Variants in MYL4 observed in about 807,000 individuals in gnomAD.
MYL4 encodes the protein myosin light chain 4.
In MYL4, 16 loss-of-function variants were observed where a neutral mutation model predicts 21.6. The ratio of observed to expected loss-of-function variants is 0.74; its 90% CI spans 0.50 to 1.12. MYL4 has a LOEUF of 1.12. MYL4 is among the 50% of genes most tolerant of loss of function. The pLI is 0.00. For synonymous variants in MYL4, 82 were observed against 95.7 expected, an observed-to-expected ratio of 0.86 and a Z score of 0.83; for missense variants, 249 against 252.9, an observed-to-expected ratio of 0.98 and a Z score of 0.11.
chr17:47,216,909 G>T (rs1226676011), intron 2 of MYL4, among the ~76,000 whole-genome samples: 2 of 152,090 alleles, frequency 1.3e-5, no homozygotes, highest in Non-Finnish European at 2.9e-5. Context: ...GGTCAGGCTG[G>T]TCTCAAACTC....
chr17:47,223,455 A>G (rs757986406), intron 6 of MYL4, 54 bp from the exon 7 acceptor site: 6 of 193,312 alleles, frequency 3.1e-5, no homozygotes, highest in Non-Finnish European at 6.3e-5. Flanking sequence ...GGGTGTGGTA[A>G]GGGGCTGGGT....
intron 3 of MYL4, among the ~76,000 whole-genome samples, chr17:47,220,547 C>G (rs56287938): frequency 0.081 from 12,376 of 152,274 alleles, 676 homozygotes; most frequent in South Asian, 0.19. Flanking sequence ...ATTCTTAGCT[C>G]TACGTGCTGC....
upstream of MYL4, among the ~76,000 whole-genome samples, chr17:47,208,329 A>G (rs1191115889): frequency 6.6e-6 from 1 of 152,142 alleles, no homozygotes; most frequent in Non-Finnish European, 1.5e-5. Flanking sequence ...AGCTACTCGG[A>G]AGGCTGAGGT....
At chr17:47,222,575 C>T in intron 5 of MYL4, 118 bp downstream of exon 5, 2 of 819,676 alleles carry the variant, frequency 2.4e-6, no homozygotes, top group Non-Finnish European at 4.0e-6. Flanking sequence ...TGTAGACCCC[C>T]CATTGGATGT....
At position 47,213,797 on chromosome 17, in the gene MYL4, A is replaced by C; in HGVS notation, c.136-2A>C. On this transcript the variant is annotated splice_acceptor_variant, in intron 1 of 6. Transcript: ENST00000393450. LOFTEE classifies it high-confidence loss of function. The stretch of plus-strand genomic sequence containing the variant: ...CCCTCACTACTATTTCCCTCCCTAC[A>C]GATAGACTTCACTGCCGACCAGATT... The C allele has an allele frequency of 6.2e-7, 1 of 1,614,078 alleles. No homozygotes were observed. The highest frequency in any genetic ancestry group is 8.5e-7 in the Non-Finnish European group (1 of 1,179,974).
At chr17:47,193,649 C>G in the MYL4 span, among the ~76,000 whole-genome samples, 1 of 152,160 alleles carries the variant, frequency 6.6e-6, no homozygotes, top group African/African-American at 2.4e-5. Flanking sequence ...AGGACCTGTT[C>G]TAGGCCTTCT....
At chr17:47,207,825 G>A (rs2064738879), upstream of MYL4, among the ~76,000 whole-genome samples, 1 of 152,080 alleles carries the variant, frequency 6.6e-6, no homozygotes, top group Non-Finnish European at 1.5e-5. Flanking sequence ...TACAGGAAGT[G>A]AAAAAAGTAA....
chr17:47,207,291 A>C (rs1003189831), upstream of MYL4, among the ~76,000 whole-genome samples: 1 of 152,200 alleles, frequency 6.6e-6, no homozygotes, highest in African/African-American at 2.4e-5. Flanking sequence ...AGTGAAGAGC[A>C]GTGTGCTACA....
intron 2 of MYL4, among the ~76,000 whole-genome samples, chr17:47,215,746 T>A (rs1003733991): frequency 2.0e-5 from 3 of 152,186 alleles, no homozygotes; most frequent in Non-Finnish European, 4.4e-5. Flanking sequence ...CTCCTAAGAT[T>A]TATATTCTCT....
the MYL4 span, among the ~76,000 whole-genome samples, chr17:47,194,764 AT>A: frequency 3.0e-4 from 44 of 146,720 alleles, no homozygotes; most frequent in Admixed American, 2.7e-4. Context: ...ATTACATAGA[AT>A]TTTTTTTTTT....
At chr17:47,211,802 C>T (rs1355415890) in intron 1 of MYL4, among the ~76,000 whole-genome samples, 6 of 151,184 alleles carry the variant, frequency 4.0e-5, no homozygotes, top group African/African-American at 1.5e-4. Context: ...AGAATTAGGA[C>T]TAGGAATGAC....
At chr17:47,198,827 A>G (rs1254406852), upstream of MYL4, among the ~76,000 whole-genome samples, 1 of 152,154 alleles carries the variant, frequency 6.6e-6, no homozygotes, top group Non-Finnish European at 1.5e-5. Flanking sequence ...TACAAAAAAA[A>G]TAAAAAAAAC....
intron 2 of MYL4, among the ~76,000 whole-genome samples, chr17:47,219,596 CCTCCCGAG>C (rs2064839121): frequency 1.3e-5 from 2 of 152,046 alleles, no homozygotes; most frequent in Non-Finnish European, 2.9e-5. Context: ...GCAACCTCTG[CCTCCCGAG>C]CTCAAGCGAT....
At chr17:47,218,301 G>T (rs1005033718) in intron 2 of MYL4, among the ~76,000 whole-genome samples, 2 of 152,188 alleles carry the variant, frequency 1.3e-5, no homozygotes, top group African/African-American at 2.4e-5. Context: ...TAATCCATAC[G>T]CAGCCTCGAA....
chr17:47,219,821 T>TTCACCACACTCA, intron 2 of MYL4, 83 bp from the exon 3 acceptor site: 1 of 1,535,374 alleles, frequency 6.5e-7, no homozygotes, highest in Non-Finnish European at 9.0e-7. Flanking sequence ...TCACCTGCTA[T>TTCACCACACTCA]TCAGCTTGGG....
chr17:47,203,809 G>T (rs917198413), intron 1 of MYL4, among the ~76,000 whole-genome samples: 8 of 152,182 alleles, frequency 5.3e-5, no homozygotes, highest in African/African-American at 9.7e-5. Context: ...GAAGGCTGGG[G>T]GTGAATGAGC....
chr17:47,205,226 G>A (rs1173441053), upstream of MYL4, among the ~76,000 whole-genome samples: 1 of 152,190 alleles, frequency 6.6e-6, no homozygotes, highest in Non-Finnish European at 1.5e-5. Flanking sequence ...GAGCATTTGG[G>A]TGAGCCTCAG....
At chr17:47,212,227 AAT>A (rs1491304673) in intron 1 of MYL4, among the ~76,000 whole-genome samples, 3 of 152,192 alleles carry the variant, frequency 2.0e-5, no homozygotes, top group Non-Finnish European at 2.9e-5. Flanking sequence ...AAAAAATAAG[AAT>A]AAAAAATAAA....
chr17:47,221,664 T>C lies in MYL4; in HGVS notation c.314-18T>C, dbSNP rs746803053. Reference sequence around the variant, plus strand: ...CTGCTCACATTGATTTCTCTTTCTTTACCCTGCCTGCCTGAAGAGATGAAT... The same window carrying C: ...CTGCTCACATTGATTTCTCTTTCTTCACCCTGCCTGCCTGAAGAGATGAAT... On this transcript the variant is annotated intron_variant, in intron 3 of 6. Coordinates refer to ENST00000393450, the MANE Select transcript of MYL4 (RefSeq NM_002476.2). The C allele has an allele frequency of 6.2e-7, 1 of 1,605,254 alleles. No individual in the cohort carries two copies. Among genetic ancestry groups the C allele is most frequent in the East Asian group, 2.2e-5 (1 of 44,686 alleles).
Sources: gnomAD v4.1 joint callset for allele counts (sites outside exome capture counted in the v4.1 genomes callset) on GRCh38, gnomAD v4.1.1 for gene constraint, MANE v1.5 for transcripts, NCBI Gene and HGNC (gene_info 2026-07-23, HGNC 2026-07-21) for gene names.